The following CTNNA2 variants were observed in gnomAD, a reference collection of about 807,000 sequenced individuals.
CTNNA2 encodes the protein catenin alpha-2.
Under a neutral mutation model 101.0 loss-of-function variants are expected in CTNNA2, and 42 were observed. The ratio of observed to expected loss-of-function variants is 0.42; its 90% CI spans 0.32 to 0.54. The LOEUF (loss-of-function observed/expected upper bound fraction) is 0.54. Among genes scored for constraint, CTNNA2 ranks in the 20% least tolerant of loss-of-function variants. The pLI is 0.14. For synonymous variants in CTNNA2, 450 were observed against 456.4 expected (o/e 0.99, Z 0.18); for missense variants, 871 against 1,223.1 (o/e 0.71, Z 4.29).
At chr2:79,923,689 A>G (rs1428670613) in intron 7 of CTNNA2, among the ~76,000 whole-genome samples, 1 of 152,146 alleles carries the variant, frequency 6.6e-6, no homozygotes, top group African/African-American at 2.4e-5. Flanking sequence ...GGATCACTAA[A>G]ATGAATTCCT....
At chr2:79,449,871 T>C (rs1318643750) in intron 4 of CTNNA2, among the ~76,000 whole-genome samples, 2 of 151,978 alleles carry the variant, frequency 1.3e-5, no homozygotes, top group Non-Finnish European at 2.9e-5. Flanking sequence ...TCAAAATATA[T>C]GGATACACAA....
At chr2:79,725,112 C>A (rs1406636267) in intron 2 of CTNNA2, among the ~76,000 whole-genome samples, 1 of 152,134 alleles carries the variant, frequency 6.6e-6, no homozygotes, top group Non-Finnish European at 1.5e-5. Context: ...TTTGTGATTT[C>A]AATTCCATGA....
chr2:80,189,437 C>T (rs1706334085), intron 7 of CTNNA2, among the ~76,000 whole-genome samples: 1 of 152,236 alleles, frequency 6.6e-6, no homozygotes, highest in Non-Finnish European at 1.5e-5. Flanking sequence ...TTGATTCCTT[C>T]TCCATGCTTA....
intron 1 of CTNNA2, among the ~76,000 whole-genome samples, chr2:79,540,361 G>A (rs1315995543): frequency 6.6e-6 from 1 of 152,182 alleles, no homozygotes; most frequent in African/African-American, 2.4e-5. Flanking sequence ...GTTACAGTAA[G>A]AATCAATGAT....
At chr2:80,222,950 G>A (rs1708653044) in intron 7 of CTNNA2, among the ~76,000 whole-genome samples, 1 of 152,144 alleles carries the variant, frequency 6.6e-6, no homozygotes, top group African/African-American at 2.4e-5. Flanking sequence ...AAATGACTGT[G>A]GACTTCTCCT....
intron 3 of CTNNA2, among the ~76,000 whole-genome samples, chr2:79,371,778 A>G (rs2104455221): frequency 6.6e-6 from 1 of 152,252 alleles, no homozygotes; most frequent in Non-Finnish European, 1.5e-5. Flanking sequence ...TGGTCACTCT[A>G]TGACACCCTT....
At chr2:79,475,275 C>T (rs1671039064) in intron 4 of CTNNA2, among the ~76,000 whole-genome samples, 1 of 151,790 alleles carries the variant, frequency 6.6e-6, no homozygotes, top group African/African-American at 2.4e-5. Flanking sequence ...AGGTAAAAAC[C>T]ACCAAGTGGG....
intron 4 of CTNNA2, among the ~76,000 whole-genome samples, chr2:79,427,545 C>A (rs1228590574): frequency 1.3e-5 from 2 of 151,650 alleles, no homozygotes; most frequent in Non-Finnish European, 2.9e-5. Context: ...TCTTTCCATT[C>A]TCTAAAAGAT....
intron 3 of CTNNA2, among the ~76,000 whole-genome samples, chr2:79,748,702 T>C (rs558228021): frequency 6.6e-6 from 1 of 152,204 alleles, no homozygotes; most frequent in African/African-American, 2.4e-5. Flanking sequence ...GTATTTCATA[T>C]GGCTAAACAG....
At chr2:79,473,797 T>C (rs1332657926) in intron 4 of CTNNA2, among the ~76,000 whole-genome samples, 1 of 152,096 alleles carries the variant, frequency 6.6e-6, no homozygotes, top group East Asian at 1.9e-4. Flanking sequence ...AAAACTTGGA[T>C]CTACTGAGAT....
At chr2:80,321,303 T>C (rs559544774) in intron 7 of CTNNA2, among the ~76,000 whole-genome samples, 80 of 152,276 alleles carry the variant, frequency 5.3e-4, no homozygotes, top group African/African-American at 1.9e-3. Flanking sequence ...TTAGAGATTT[T>C]CTATCGTAGG....
chr2:79,718,247 A>G (rs1686238414), intron 2 of CTNNA2, among the ~76,000 whole-genome samples: 2 of 152,190 alleles, frequency 1.3e-5, no homozygotes, highest in South Asian at 4.1e-4. Flanking sequence ...TATCTGGCCT[A>G]GCTTCATAAA....
intron 7 of CTNNA2, among the ~76,000 whole-genome samples, chr2:79,990,445 C>G (rs769422916): frequency 5.3e-5 from 8 of 152,250 alleles, no homozygotes; most frequent in Non-Finnish European, 1.2e-4. Context: ...CGCACTGATA[C>G]ACGGTGGCTA....
intron 7 of CTNNA2, among the ~76,000 whole-genome samples, chr2:80,177,782 C>A (rs1705491096): frequency 6.6e-6 from 1 of 152,324 alleles, no homozygotes; most frequent in South Asian, 2.1e-4. Context: ...TTCTTTGTCA[C>A]CAATTTTCCA....
At chr2:79,758,054 A>G (rs1171296110) in intron 3 of CTNNA2, among the ~76,000 whole-genome samples, 3 of 152,216 alleles carry the variant, frequency 2.0e-5, no homozygotes, top group African/African-American at 7.2e-5. Flanking sequence ...ATTTTTAATC[A>G]TAAAATGATC....
At chr2:80,320,061 T>G (rs1304230396) in intron 7 of CTNNA2, among the ~76,000 whole-genome samples, 1 of 152,240 alleles carries the variant, frequency 6.6e-6, no homozygotes, top group African/African-American at 2.4e-5. Context: ...GGACATTATT[T>G]TTCATCCAGG....
intron 9 of CTNNA2, among the ~76,000 whole-genome samples, chr2:80,445,658 A>C (rs1683009831): frequency 6.6e-6 from 1 of 152,204 alleles, no homozygotes; most frequent in African/African-American, 2.4e-5. Context: ...TTTGATTTTT[A>C]ACAAGCTCCT....
At chr2:79,259,100 A>G (rs1177604952) in intron 2 of CTNNA2, among the ~76,000 whole-genome samples, 1 of 152,150 alleles carries the variant, frequency 6.6e-6, no homozygotes, top group African/African-American at 2.4e-5. Flanking sequence ...GAGTGATCAG[A>G]TCCCTATTTC....
intron 4 of CTNNA2, among the ~76,000 whole-genome samples, chr2:79,470,382 A>T (rs1040243319): frequency 6.6e-6 from 1 of 152,186 alleles, no homozygotes; most frequent in African/African-American, 2.4e-5. Context: ...TAAAACTGTA[A>T]ATCCAAAGTA....
Sources: gnomAD v4.1 joint callset for allele counts (sites outside exome capture counted in the v4.1 genomes callset) on GRCh38, gnomAD v4.1.1 for gene constraint, MANE v1.5 for transcripts, NCBI Gene and HGNC (gene_info 2026-07-23, HGNC 2026-07-21) for gene names.